Variants in PRKN observed in about 807,000 individuals in gnomAD.
PRKN encodes the protein parkin RBR E3 ubiquitin protein ligase.
Under a neutral mutation model 59.5 loss-of-function variants are expected in PRKN, and 56 were observed. The ratio of observed to expected loss-of-function variants is 0.94; its 90% CI spans 0.76 to 1.18. The LOEUF (loss-of-function observed/expected upper bound fraction) is 1.18, where lower values mean the gene tolerates loss of function less well. PRKN is among the 50% of genes most tolerant of loss of function. The pLI, the probability that PRKN is intolerant of heterozygous loss-of-function variation, is 0.00. For synonymous variants in PRKN, 250 were observed against 222.1 expected (o/e 1.13, Z -1.12); for missense variants, 657 against 596.4 (o/e 1.10, Z -1.06).
rs573088228 is a variant in PRKN, at chr6:161,961,730, G to A, written c.734+11572C>T. Among the ~76,000 whole-genome samples, 10 of 152,280 alleles carry A rather than the reference G, an allele frequency of 6.6e-5. No individual in the cohort carries two copies. In the East Asian group the frequency reaches 1.9e-3, roughly 29 times the overall value. ...GTTTTATCTCAGCTTGAAGCACCTGGAATAGTTTCTTGAGCCACGGATGAA... is the reference window on the plus strand; with the variant it reads ...GTTTTATCTCAGCTTGAAGCACCTGAAATAGTTTCTTGAGCCACGGATGAA... On this transcript the variant is annotated intron_variant, in intron 6 of 11. Coordinates refer to ENST00000366898, the MANE Select transcript of PRKN (RefSeq NM_004562.3).
chr6:162,442,317 C>T (rs564632934), intron 2 of PRKN, among the ~76,000 whole-genome samples: 1 of 152,316 alleles, frequency 6.6e-6, no homozygotes, highest in South Asian at 2.1e-4. Flanking sequence ...GATACCCACA[C>T]AGCTGTAAAC....
At chr6:162,198,386 G>C (rs1283228076) in intron 4 of PRKN, among the ~76,000 whole-genome samples, 1 of 151,554 alleles carries the variant, frequency 6.6e-6, no homozygotes, top group African/African-American at 2.4e-5. Context: ...ATGCAGAGCA[G>C]TAGAGGTAGG....
intron 9 of PRKN, among the ~76,000 whole-genome samples, chr6:161,536,874 T>C (rs1779433785): frequency 6.6e-6 from 1 of 152,168 alleles, no homozygotes; most frequent in African/African-American, 2.4e-5. Flanking sequence ...TGACATAGCC[T>C]CCAAACAGCA....
At chr6:161,748,875 G>A (rs1562653179) in intron 7 of PRKN, among the ~76,000 whole-genome samples, 1 of 152,168 alleles carries the variant, frequency 6.6e-6, no homozygotes, top group Non-Finnish European at 1.5e-5. Context: ...CTTTGCTACA[G>A]TTACCTGTTA....
At chr6:162,451,553 T>C (rs1301270519) in intron 1 of PRKN, among the ~76,000 whole-genome samples, 1 of 151,752 alleles carries the variant, frequency 6.6e-6, no homozygotes, top group Non-Finnish European at 1.5e-5. Flanking sequence ...AGTGAGACCT[T>C]AGCTCTATTT....
At chr6:161,418,137 A>C (rs1787936404) in intron 9 of PRKN, among the ~76,000 whole-genome samples, 1 of 152,240 alleles carries the variant, frequency 6.6e-6, no homozygotes, top group African/African-American at 2.4e-5. Context: ...ATATTAATAA[A>C]AATATTTAAA....
At position 161,447,526 on chromosome 6, in the gene PRKN, C is replaced by T. The variant is rs559246550; in HGVS notation, c.1084-60649G>A. Among the ~76,000 whole-genome samples, 26 of 152,284 alleles carry T rather than the reference C, an allele frequency of 1.7e-4. No individual in the cohort carries two copies. The highest frequency in any genetic ancestry group is 3.2e-4 in the Non-Finnish European group (22 of 68,032). On this transcript the variant is annotated intron_variant, in intron 9 of 11. Transcript: ENST00000366898. The surrounding 1 kb of genome is among the most constrained non-coding windows in gnomAD (Gnocchi z 4.1). ...TTCCTTTCCTTGAGATGGAGTCTCT[C>T]TCTGTCGCCCAGGCTGGAGTGCAGT...
At chr6:161,492,707 C>T (rs1344524124) in intron 9 of PRKN, among the ~76,000 whole-genome samples, 2 of 152,234 alleles carry the variant, frequency 1.3e-5, no homozygotes, top group Non-Finnish European at 2.9e-5. Context: ...ATACATGCTT[C>T]TTGCTAGCAT....
chr6:162,111,975 G>C (rs1207684234), intron 4 of PRKN, among the ~76,000 whole-genome samples: 1 of 152,180 alleles, frequency 6.6e-6, no homozygotes, highest in Non-Finnish European at 1.5e-5. Context: ...CGCTACTGAA[G>C]TCATCCAGAA....
At position 161,886,706 on chromosome 6, in the gene PRKN, A is replaced by AATAAAATAACATAAAATAAC. The variant is rs199798121; in HGVS notation, c.734+86576_734+86595dup. Among the ~76,000 whole-genome samples, 937 of 146,326 alleles carry AATAAAATAACATAAAATAAC rather than the reference A, an allele frequency of 6.4e-3. 4 individuals carry two copies. The highest frequency in any genetic ancestry group is 0.023 in the African/African-American group (877 of 38,932). On this transcript the variant is annotated intron_variant, in intron 6 of 11. Transcript: ENST00000366898. Reference sequence around the variant, plus strand: ...GAGCGAAACTTGTTCTCAAAAATAAAATAAAATAACATAAAATAACATAAA... The same window carrying AATAAAATAACATAAAATAAC: ...GAGCGAAACTTGTTCTCAAAAATAAAATAAAATAACATAAAATAACATAAAATAACATAAAATAACATAAA...
At position 161,546,675 on chromosome 6, in the gene PRKN, G is replaced by T. The variant is rs1201916608; in HGVS notation, c.1083+2179C>A. Among the ~76,000 whole-genome samples the T allele has an allele frequency of 1.3e-5, 2 of 151,160 alleles. No homozygotes were observed. The highest frequency in any genetic ancestry group is 2.9e-5 in the Non-Finnish European group (2 of 67,936). ...ATTCTTTGACACTCTTTAAGATGGA[G>T]CCCAACTCCCTTCCCTTTGAGAGTG... On this transcript the variant is annotated intron_variant, in intron 9 of 11. Coordinates refer to ENST00000366898, the MANE Select transcript of PRKN (RefSeq NM_004562.3). The surrounding 1 kb of genome is among the most constrained non-coding windows in gnomAD (Gnocchi z 4.4).
chr6:162,574,795 A>C (rs2128209722), intron 1 of PRKN, among the ~76,000 whole-genome samples: 1 of 146,640 alleles, frequency 6.8e-6, no homozygotes, highest in Admixed American at 6.9e-5. Flanking sequence ...TTTGATAGAC[A>C]AAAAGAGGTA....
At chr6:161,738,489 A>G (rs573623317) in intron 7 of PRKN, among the ~76,000 whole-genome samples, 2 of 152,314 alleles carry the variant, frequency 1.3e-5, no homozygotes, top group African/African-American at 2.4e-5. Flanking sequence ...AAGTAACATG[A>G]CATTATTGTC....
intron 2 of PRKN, among the ~76,000 whole-genome samples, chr6:162,282,611 A>G (rs924135594): frequency 1.3e-5 from 2 of 152,220 alleles, no homozygotes. Flanking sequence ...AACAGTCATC[A>G]ATATTGGGCT....
At chr6:162,517,419 T>G (rs373443165) in intron 1 of PRKN, among the ~76,000 whole-genome samples, 11 of 117,080 alleles carry the variant, frequency 9.4e-5, no homozygotes, top group East Asian at 6.4e-4. Context: ...GACTAATTTG[T>G]TTTTTTTTTT....
chr6:162,314,517 G>A (rs896030150), intron 2 of PRKN, among the ~76,000 whole-genome samples: 5 of 152,032 alleles, frequency 3.3e-5, no homozygotes, highest in African/African-American at 1.2e-4. Context: ...ATCCTAAGTA[G>A]CTAAAGACCG....
chr6:162,544,433 C>T (rs1479161918), intron 1 of PRKN, among the ~76,000 whole-genome samples: 1 of 151,996 alleles, frequency 6.6e-6, no homozygotes, highest in African/African-American at 2.4e-5. Context: ...ATTTAAGTGA[C>T]AATGAAAGTT....
At chr6:161,662,513 G>A (rs1784585504) in intron 7 of PRKN, among the ~76,000 whole-genome samples, 1 of 152,170 alleles carries the variant, frequency 6.6e-6, no homozygotes, top group African/African-American at 2.4e-5. Context: ...TTAAATCCTA[G>A]CCCTGCCACT....
chr6:161,929,163 T>C (rs755198179), intron 6 of PRKN, among the ~76,000 whole-genome samples: 13 of 152,174 alleles, frequency 8.5e-5, no homozygotes, highest in Non-Finnish European at 1.8e-4. Flanking sequence ...GATTTCTATA[T>C]ATGACAACCT....
Sources: gnomAD v4.1 joint callset for allele counts (sites outside exome capture counted in the v4.1 genomes callset) on GRCh38, gnomAD v4.1.1 for gene constraint, Gnocchi (gnomAD v3.1) non-coding constraint, MANE v1.5 for transcripts, NCBI Gene and HGNC (gene_info 2026-07-23, HGNC 2026-07-21) for gene names.